RYR2: variants seen among roughly 807,000 people sequenced by gnomAD.
RYR2 encodes cardiac muscle ryanodine receptor-calcium release channel.
In RYR2, 227 loss-of-function variants were observed where a neutral mutation model predicts 601.1. The observed-to-expected ratio is 0.38, with a 90% CI of 0.34 to 0.42. The LOEUF is 0.42. Among genes scored for constraint, RYR2 ranks in the 10% least tolerant of loss-of-function variants. The probability of loss-of-function intolerance (pLI) is 1.00; values close to 1 mark genes in which losing one functional copy is unlikely to be tolerated. For synonymous variants in RYR2, 2,223 were observed against 2,175.1 expected (o/e 1.02, Z -0.61); for missense variants, 4,646 against 6,156.5 (o/e 0.75, Z 8.21).
Position 237,364,355 on chromosome 1 carries a change from C to T in RYR2, c.295-3C>T. 6.3e-7 allele frequency: 1 copy of T among 1,574,878 alleles called. No homozygotes were observed. The highest frequency in any genetic ancestry group is 8.7e-7 in the Non-Finnish European group (1 of 1,155,788). ...TTCCTCTCTTTTCCTTATGCCCCTA[C>T]AGAAATTCATGATGAAGGTAAGACA... is the stretch of plus-strand genomic sequence containing the variant. On this transcript the variant is annotated splice_region_variant and splice_polypyrimidine_tract_variant and intron_variant, in intron 4 of 104. Transcript: ENST00000366574.
rs146371492 is a variant in RYR2, at chr1:237,383,821, C to T, written c.577-3460C>T. Among the ~76,000 whole-genome samples, 470 of 152,204 alleles carry T rather than the reference C, an allele frequency of 3.1e-3. 13 individuals carry two copies. The highest frequency in any genetic ancestry group is 0.029 in the Admixed American group (441 of 15,288). ...CTAGTCCTGGGATCAAAGTGAGACC[C>T]GGGTGCCCAGAGATTGGTGCCCAAA... On this transcript the variant is annotated intron_variant, in intron 8 of 104. Coordinates refer to ENST00000366574, the MANE Select transcript of RYR2 (RefSeq NM_001035.3).
intron 23 of RYR2, 133 bp downstream of exon 23, chr1:237,506,947 G>C: frequency 2.6e-6 from 2 of 767,834 alleles, no homozygotes; most frequent in South Asian, 1.6e-5. Flanking sequence ...CTACACATTA[G>C]TTTTTGTGCA....
chr1:237,465,715 C>T (rs181128287), intron 16 of RYR2, among the ~76,000 whole-genome samples: 3 of 152,170 alleles, frequency 2.0e-5, no homozygotes, highest in Non-Finnish European at 4.4e-5. Context: ...TGCGCGTCTA[C>T]GCTATACGGG....
chr1:237,714,990 TCAAAAA>T lies in RYR2; in HGVS notation c.10324-2207_10324-2202del, dbSNP rs1480470189. Among the ~76,000 whole-genome samples the T allele has an allele frequency of 2.6e-3, 230 of 89,376 alleles. 5 individuals are homozygous for T. Among genetic ancestry groups the T allele is most frequent in the South Asian group, 0.02 (54 of 2,744 alleles). The allele number at this position is 89,376 out of a possible 152,430, so 58.6% of individuals were successfully genotyped here. ...CCTGGTGACAGAGCGAGACTCCATC[TCAAAAA>T]AAAAAAAAAAAAAAAAAAAAAAAAA... is the stretch of plus-strand genomic sequence containing the variant. On this transcript the variant is annotated intron_variant, in intron 71 of 104. Coordinates refer to ENST00000366574, the MANE Select transcript of RYR2 (RefSeq NM_001035.3).
At chr1:237,143,717 C>T (rs972583585) in intron 1 of RYR2, among the ~76,000 whole-genome samples, 1 of 152,148 alleles carries the variant, frequency 6.6e-6, no homozygotes, top group Admixed American at 6.5e-5. Flanking sequence ...CCTTTTAGGG[C>T]CCGTGCCTTG....
At chr1:237,740,443 A>C (rs926548954) in intron 79 of RYR2, among the ~76,000 whole-genome samples, 1 of 152,204 alleles carries the variant, frequency 6.6e-6, no homozygotes, top group African/African-American at 2.4e-5. Context: ...AAAACAGTTA[A>C]AATATTTTAT....
At chr1:237,545,051 G>A (rs1396854178) in intron 25 of RYR2, among the ~76,000 whole-genome samples, 2 of 152,128 alleles carry the variant, frequency 1.3e-5, no homozygotes, top group Non-Finnish European at 2.9e-5. Flanking sequence ...ATCCTTTCTC[G>A]TACAAGGTTA....
intron 1 of RYR2, among the ~76,000 whole-genome samples, chr1:237,258,377 G>C (rs1334963622): frequency 6.6e-6 from 1 of 151,872 alleles, no homozygotes; most frequent in African/African-American, 2.4e-5. Flanking sequence ...TGATGTCAGG[G>C]CAGGTAACAG....
In RYR2 at chr1:237,184,740, T is replaced by C. The variant is rs918490007; in HGVS notation, c.49-85757T>C. On this transcript the variant is annotated intron_variant, in intron 1 of 104. Coordinates refer to ENST00000366574, the MANE Select transcript of RYR2 (RefSeq NM_001035.3). The stretch of plus-strand genomic sequence containing the variant: ...AATATTTATCAGATGATAATGCTTA[T>C]ATTTTTCTAGCATAAATTTATTAGG... 1.3e-5 allele frequency among the ~76,000 whole-genome samples: 2 copies of C among 152,344 alleles called. 1 individual carries two copies.
intron 76 of RYR2, among the ~76,000 whole-genome samples, chr1:237,729,065 A>G (rs1037205103): frequency 6.6e-6 from 1 of 151,980 alleles, no homozygotes; most frequent in African/African-American, 2.4e-5. Context: ...TCACATTCCC[A>G]TCCTTCCCTC....
intron 89 of RYR2, among the ~76,000 whole-genome samples, chr1:237,783,234 C>T (rs1295037980): frequency 2.0e-5 from 3 of 152,076 alleles, no homozygotes; most frequent in African/African-American, 2.4e-5. Context: ...ATTTCCTCAT[C>T]GGTAAAATTA....
intron 1 of RYR2, among the ~76,000 whole-genome samples, chr1:237,256,352 G>A (rs115124358): frequency 0.01 from 1,549 of 152,230 alleles, 32 homozygotes; most frequent in African/African-American, 0.035. Context: ...TATCAGCAGC[G>A]TGAGAATAGA....
At chr1:237,251,845 C>G (rs1687495894) in intron 1 of RYR2, among the ~76,000 whole-genome samples, 2 of 152,196 alleles carry the variant, frequency 1.3e-5, no homozygotes, top group South Asian at 4.1e-4. Flanking sequence ...GCCTTTCCCA[C>G]AGTATTCCCC....
At chr1:237,133,692 CT>C (rs1672419749) in intron 1 of RYR2, among the ~76,000 whole-genome samples, 1 of 152,044 alleles carries the variant, frequency 6.6e-6, no homozygotes, top group Admixed American at 6.5e-5. Context: ...CTCACACCCG[CT>C]GACGCGGGTG....
chr1:237,684,918 A>T (rs973592434), intron 62 of RYR2, among the ~76,000 whole-genome samples: 1 of 125,402 alleles, frequency 8.0e-6, no homozygotes, highest in Non-Finnish European at 1.7e-5. Flanking sequence ...GAACATCAAG[A>T]ATGGTTAATT....
At chr1:237,743,431 T>C (rs755107586) in intron 80 of RYR2, among the ~76,000 whole-genome samples, 3 of 152,232 alleles carry the variant, frequency 2.0e-5, no homozygotes, top group Non-Finnish European at 4.4e-5. Flanking sequence ...GTATATGTTT[T>C]CTATTCTCAA....
chr1:237,134,641 A>C (rs1378366934), intron 1 of RYR2, among the ~76,000 whole-genome samples: 4 of 152,218 alleles, frequency 2.6e-5, no homozygotes, highest in Non-Finnish European at 4.4e-5. Context: ...CAGCCAAACG[A>C]TATCAATCAG....
At chr1:237,282,831 G>C (rs914818786) in intron 2 of RYR2, among the ~76,000 whole-genome samples, 7 of 152,164 alleles carry the variant, frequency 4.6e-5, no homozygotes, top group Admixed American at 2.6e-4. Flanking sequence ...TGAGAACAAA[G>C]GCATAGAGAA....
At chr1:237,237,683 CT>C (rs1440841092) in intron 1 of RYR2, among the ~76,000 whole-genome samples, 1 of 152,144 alleles carries the variant, frequency 6.6e-6, no homozygotes, top group African/African-American at 2.4e-5. Context: ...TTTGAAATGG[CT>C]CTGCAAAGCT....
Sources: gnomAD v4.1 joint callset for allele counts (sites outside exome capture counted in the v4.1 genomes callset) on GRCh38, gnomAD v4.1.1 for gene constraint, MANE v1.5 for transcripts, NCBI Gene and HGNC (gene_info 2026-07-23, HGNC 2026-07-21) for gene names.